DMD: variants seen among roughly 807,000 people sequenced by gnomAD.
DMD encodes the protein dystrophin.
DMD carries 63 observed loss-of-function variants against 330.1 expected under a neutral mutation model. That is an observed-to-expected ratio of 0.19 (90% CI 0.16 to 0.24). The LOEUF (loss-of-function observed/expected upper bound fraction) is 0.24, where lower values mean the gene tolerates loss of function less well. Ranked by LOEUF, DMD falls within the 10% of genes least tolerant of loss-of-function variation. The pLI is 1.00. For synonymous variants in DMD, 1,223 were observed against 959.8 expected, an observed-to-expected ratio of 1.27 and a Z score of -5.07; for missense variants, 3,344 against 2,684.1, an observed-to-expected ratio of 1.25 and a Z score of -5.43.
At chrX:32,488,307 C>A (rs1409353839) in intron 20 of DMD, among the ~76,000 whole-genome samples, 1 of 111,228 alleles carries the variant, frequency 9.0e-6, no homozygotes, top group African/African-American at 3.3e-5. Flanking sequence ...ATATGCTTAT[C>A]TCATGGAAGC....
intron 67 of DMD, among the ~76,000 whole-genome samples, chrX:31,192,157 A>T (rs1174142954): frequency 8.9e-6 from 1 of 112,225 alleles, no homozygotes; most frequent in Non-Finnish European, 1.9e-5. Flanking sequence ...CAGAGAACAT[A>T]AAAGGAGGAA....
At chrX:32,140,589 A>G (rs1190522945) in intron 44 of DMD, among the ~76,000 whole-genome samples, 2 of 112,133 alleles carry the variant, frequency 1.8e-5, no homozygotes, top group African/African-American at 6.5e-5. Flanking sequence ...TCATGCTGTG[A>G]TAAAGACATA....
intron 62 of DMD, among the ~76,000 whole-genome samples, chrX:31,290,975 A>G (rs2053645837): frequency 8.9e-6 from 1 of 112,468 alleles, no homozygotes; most frequent in African/African-American, 3.2e-5. Flanking sequence ...AAAAATAAGT[A>G]CACAAACATG....
chrX:31,414,310 C>T (rs767950375), intron 60 of DMD, among the ~76,000 whole-genome samples: 18 of 111,787 alleles, frequency 1.6e-4, no homozygotes, highest in Admixed American at 7.6e-4. Flanking sequence ...CCACTGCACC[C>T]GGCCCCCAGA....
intron 62 of DMD, among the ~76,000 whole-genome samples, chrX:31,318,089 A>G (rs1467606268): frequency 1.8e-5 from 2 of 112,439 alleles, no homozygotes; most frequent in Non-Finnish European, 1.9e-5. Context: ...AATGAGAGCA[A>G]GATATGCTTT....
At chrX:32,455,222 T>C (rs1212951862) in intron 25 of DMD, among the ~76,000 whole-genome samples, 1 of 111,479 alleles carries the variant, frequency 9.0e-6, no homozygotes, top group East Asian at 2.8e-4. Context: ...TTTACTATTT[T>C]AAATATTCTA....
intron 44 of DMD, among the ~76,000 whole-genome samples, chrX:32,153,492 G>A (rs1396465589): frequency 9.3e-6 from 1 of 107,582 alleles, no homozygotes; most frequent in African/African-American, 3.5e-5. Flanking sequence ...AATAAAAAGA[G>A]GAGCTCTAAA....
chrX:32,485,480 A>C (rs983416753), intron 20 of DMD, among the ~76,000 whole-genome samples: 3 of 110,675 alleles, frequency 2.7e-5, no homozygotes, highest in African/African-American at 9.8e-5. Context: ...TCAAATTTTA[A>C]GCTCACTCAA....
At chrX:31,148,628 G>A (rs941675901) in intron 74 of DMD, among the ~76,000 whole-genome samples, 5 of 111,979 alleles carry the variant, frequency 4.5e-5, no homozygotes, top group East Asian at 2.8e-4. Flanking sequence ...TCACCGAATC[G>A]CTCTGGGTGA....
At chrX:32,785,414 T>C (rs2075264378) in intron 7 of DMD, among the ~76,000 whole-genome samples, 1 of 111,624 alleles carries the variant, frequency 9.0e-6, no homozygotes, top group Non-Finnish European at 1.9e-5. Flanking sequence ...TCTTGATCAA[T>C]CTGAGGAAAG....
Position 31,261,127 on chromosome X carries a change from C to T in DMD, c.9225-111G>A, listed in dbSNP as rs182252274. On this transcript the variant is annotated intron_variant, in intron 62 of 78. Transcript: ENST00000357033. Reference sequence around the variant, plus strand: ...ACATGATTTTTGCTTTTGAACCATTCGGAATCTTTATTTCAAAGCGCTTCC... The same window carrying T: ...ACATGATTTTTGCTTTTGAACCATTTGGAATCTTTATTTCAAAGCGCTTCC... 2.6e-5 allele frequency: 18 copies of T among 687,644 alleles called. No homozygotes were observed. The East Asian group carries it at 4.6e-4, about 18-fold the overall frequency. The allele number at this position is 687,644 out of a possible 1,213,427, so 56.7% of individuals were successfully genotyped here. A position where few individuals can be genotyped will look rare whatever the true frequency, so the allele number is the denominator to read the frequency against.
At chrX:31,745,653 T>G (rs1324304168) in intron 51 of DMD, among the ~76,000 whole-genome samples, 1 of 112,167 alleles carries the variant, frequency 8.9e-6, no homozygotes, top group Non-Finnish European at 1.9e-5. Flanking sequence ...TCAACCCCAT[T>G]GCTTGTAAAA....
At chrX:31,755,800 A>G (rs756173546) in intron 51 of DMD, among the ~76,000 whole-genome samples, 7 of 111,706 alleles carry the variant, frequency 6.3e-5, no homozygotes, top group Admixed American at 1.9e-4. Context: ...ATCTTTAAAG[A>G]TTGTGTTATT....
At chrX:31,155,232 TTAAAC>T (rs2037967130) in intron 74 of DMD, among the ~76,000 whole-genome samples, 1 of 112,584 alleles carries the variant, frequency 8.9e-6, no homozygotes, top group Non-Finnish European at 1.9e-5. Context: ...TCTGTGTAAT[TTAAAC>T]TAATTTACAA....
In DMD at chrX:32,644,237, G is replaced by A. The variant is rs867609910; in HGVS notation, c.1226C>T (p.Thr409Ile). The change falls in exon 11 of 79, where the codon ACA (threonine) becomes ATA (isoleucine). Residue 409 changes from threonine to isoleucine, a missense_variant. Thr to Ile is a moderately conservative substitution (Grantham distance 89, BLOSUM62 -1). Transcript: ENST00000357033. Reference sequence around the variant, plus strand: ...TTCTTCATCTTCTGATAATTTTCCTGTTCCAATCAGCTTACTTCCCAATTG... The same window carrying A: ...TTCTTCATCTTCTGATAATTTTCCTATTCCAATCAGCTTACTTCCCAATTG... Reference protein sequence around the residue: ...ILQLGSKLIGTGKLSEDEETE... With the variant: ...ILQLGSKLIGIGKLSEDEETE... 8.3e-7 allele frequency: 1 copy of A among 1,210,571 alleles called. No individual in the cohort carries two copies. The highest frequency in any genetic ancestry group is 3.0e-5 in the East Asian group (1 of 33,805).
At chrX:32,757,537 T>C (rs1439647315) in intron 7 of DMD, among the ~76,000 whole-genome samples, 1 of 111,218 alleles carries the variant, frequency 9.0e-6, no homozygotes, top group African/African-American at 3.3e-5. Context: ...GGTAACTGAA[T>C]CATGGCGGCA....
chrX:31,819,095 G>T lies in DMD; in HGVS notation c.7309+880C>A, dbSNP rs778301308. Among the ~76,000 whole-genome samples, 3 of 111,442 alleles carry T rather than the reference G, an allele frequency of 2.7e-5. No homozygotes were observed. The South Asian group carries it at 1.1e-3, about 42-fold the overall frequency. ...ATGTTTTTAGTTCTGCCTAATTATG[G>T]AATGGTACAGCAAAGAAGTTTTCTG... On this transcript the variant is annotated intron_variant, in intron 50 of 78. Coordinates refer to ENST00000357033, the MANE Select transcript of DMD (RefSeq NM_004006.3).
At chrX:31,612,855 T>C (rs1000567172) in intron 55 of DMD, among the ~76,000 whole-genome samples, 77 of 112,411 alleles carry the variant, frequency 6.8e-4, no homozygotes, top group African/African-American at 2.3e-3. Context: ...TTTGCAGCTT[T>C]TAAGTCAGAA....
At chrX:31,191,242 C>T (rs1010788435) in intron 67 of DMD, among the ~76,000 whole-genome samples, 1 of 111,180 alleles carries the variant, frequency 9.0e-6, no homozygotes, top group South Asian at 3.8e-4. Flanking sequence ...CAGGTCATAA[C>T]CATTTAGAGA....
Sources: allele counts gnomAD v4.1 joint callset (sites outside exome capture counted in the v4.1 genomes callset), GRCh38; gene constraint gnomAD v4.1.1; transcripts MANE v1.5; gene names NCBI Gene and HGNC (gene_info 2026-07-23, HGNC 2026-07-21).